The following ASPDH variants were observed in gnomAD, a reference collection of about 807,000 sequenced individuals.
ASPDH encodes the protein aspartate dehydrogenase domain containing.
In ASPDH, 25 loss-of-function variants were observed where a neutral mutation model predicts 30.5. The ratio of observed to expected loss-of-function variants is 0.82; its 90% CI spans 0.60 to 1.14. ASPDH has a LOEUF of 1.14. ASPDH is among the 50% of genes most tolerant of loss of function. ASPDH has a pLI of 0.00. For synonymous variants in ASPDH, 168 were observed against 156.3 expected (o/e 1.07, Z -0.56); for missense variants, 401 against 381.5 (o/e 1.05, Z -0.43).
chr19:50,514,006 C>T, upstream of ASPDH: 1 of 690,982 alleles, frequency 1.4e-6, no homozygotes. Context: ...AGAACCCTTC[C>T]CTGTGCTCTG....
At chr19:50,514,713 C>G, upstream of ASPDH, 2 of 1,463,846 alleles carry the variant, frequency 1.4e-6, no homozygotes, top group Non-Finnish European at 9.0e-7. Context: ...CCCCCAGCCA[C>G]CACCTGGTAC....
chr19:50,512,766 C>CT lies in ASPDH; in HGVS notation c.326dup (p.Leu110AlafsTer23). 6.4e-7 allele frequency: 1 copy of CT among 1,568,634 alleles called. No homozygotes were observed. Among genetic ancestry groups the CT allele is most frequent in the Non-Finnish European group, 8.6e-7 (1 of 1,156,322 alleles). On this transcript the variant is annotated frameshift_variant, in exon 4 of 7. Transcript: ENST00000389208. LOFTEE classifies it high-confidence loss of function. ...CCCAGTGCTGTGAGGCCTCCAAGAG[C>CT]TGCCGCTCTGTGGTCTGGTCACTTA...
At position 50,513,708 on chromosome 19, in the gene ASPDH, A is replaced by G; in HGVS notation, c.52+64T>C. On this transcript the variant is annotated intron_variant, in intron 1 of 6. Coordinates refer to ENST00000389208, the MANE Select transcript of ASPDH (RefSeq NM_001114598.2). The surrounding 1 kb of genome is among the most constrained non-coding windows in gnomAD (Gnocchi z 4.9). ...AGAGAAAAAAGTGTTTGTGGAGGGC[A>G]GAGAGTCTTGGGAGCTTTAGGAAGG... 4.0e-6 allele frequency: 5 copies of G among 1,251,236 alleles called. No homozygotes were observed. In the East Asian group the frequency reaches 7.6e-5, roughly 19 times the overall value. 77.5% of individuals were successfully genotyped at this position (1,251,236 alleles called of 1,614,324 possible). A position where few individuals can be genotyped will look rare whatever the true frequency, so the allele number is the denominator to read the frequency against.
chr19:50,514,402 C>T (rs540634245), upstream of ASPDH: 12 of 1,599,120 alleles, frequency 7.5e-6, no homozygotes, highest in South Asian at 5.5e-5. Flanking sequence ...AGCCCCGCTG[C>T]GCAGCACGGG....
chr19:50,512,613 G>T, intron 4 of ASPDH, 33 bp from the exon 5 acceptor site: 1 of 1,507,438 alleles, frequency 6.6e-7, no homozygotes, highest in South Asian at 1.3e-5. Flanking sequence ...GGGGGAGTGG[G>T]GTCTTTGCAG....
At chr19:50,512,606 G>T (rs1980008721) in intron 4 of ASPDH, 26 bp from the exon 5 acceptor site, 2 of 1,515,858 alleles carry the variant, frequency 1.3e-6, no homozygotes, top group Non-Finnish European at 1.8e-6. Flanking sequence ...CGGGTTAGGG[G>T]GAGTGGGGTC....
chr19:50,513,925 CT>C, upstream of ASPDH: 9 of 1,413,068 alleles, frequency 6.4e-6, no homozygotes, highest in Non-Finnish European at 7.6e-6. The surrounding 1 kb of genome is among the most constrained non-coding windows in gnomAD (Gnocchi z 4.9). Flanking sequence ...ACCCTTGAGC[CT>C]CTGGGCTCAG....
chr19:50,514,357 C>CAAT, upstream of ASPDH: 1 of 1,393,920 alleles, frequency 7.2e-7, no homozygotes, highest in Non-Finnish European at 1.0e-6. Context: ...GGCTTCTCCT[C>CAAT]AATGTGCCCT....
upstream of ASPDH, chr19:50,514,454 C>T (rs186378376): frequency 3.4e-4 from 546 of 1,614,108 alleles, 1 homozygote; most frequent in Admixed American, 2.0e-3. Context: ...AGCCTCCCTC[C>T]GCTCTGATCA....
upstream of ASPDH, among the ~76,000 whole-genome samples, chr19:50,514,224 C>G (rs1178752804): frequency 6.6e-6 from 1 of 152,158 alleles, no homozygotes; most frequent in Admixed American, 6.5e-5. Flanking sequence ...GACAGGGACT[C>G]TGGGCTCTGT....
At chr19:50,514,369 G>T, upstream of ASPDH, 1 of 1,468,546 alleles carries the variant, frequency 6.8e-7, no homozygotes, top group Non-Finnish European at 9.5e-7. Flanking sequence ...ATGTGCCCTT[G>T]CCTCAGCGGG....
At chr19:50,512,002 A>T in intron 6 of ASPDH, 134 bp downstream of exon 6, 1 of 827,252 alleles carries the variant, frequency 1.2e-6, no homozygotes, top group Non-Finnish European at 1.8e-6. Context: ...GAGAGAGGTT[A>T]AGGAAATAAA....
rs1437425635 is a variant in ASPDH at position 50,513,707 on chromosome 19, C to G, written c.52+65G>C. The G allele has an allele frequency of 1.9e-5, 23 of 1,242,442 alleles. No homozygotes were observed. The highest frequency in any genetic ancestry group is 2.4e-5 in the Non-Finnish European group (21 of 871,448). 77.0% of individuals were successfully genotyped at this position (1,242,442 alleles called of 1,614,324 possible). A position where few individuals can be genotyped will look rare whatever the true frequency, so the allele number is the denominator to read the frequency against. ...GAGAGAAAAAAGTGTTTGTGGAGGGCAGAGAGTCTTGGGAGCTTTAGGAAG... is the reference window on the plus strand; with the variant it reads ...GAGAGAAAAAAGTGTTTGTGGAGGGGAGAGAGTCTTGGGAGCTTTAGGAAG... On this transcript the variant is annotated intron_variant, in intron 1 of 6. Coordinates refer to ENST00000389208, the MANE Select transcript of ASPDH (RefSeq NM_001114598.2). This position sits in a 1 kb window ranked among gnomAD's most constrained non-coding sequence, Gnocchi z 4.9.
intron 6 of ASPDH, 177 bp from the exon 7 acceptor site, chr19:50,511,950 G>GCACAGAGACTCAGGGGACGTGGA: frequency 4.5e-6 from 3 of 665,098 alleles, no homozygotes; most frequent in Non-Finnish European, 7.4e-6. Context: ...TCAGAGGCGG[G>GCACAGAGACTCAGGGGACGTGGA]CACAAATGGA....
In ASPDH at chr19:50,512,387, A is replaced by G. The variant is rs1979984981; in HGVS notation, c.626T>C (p.Val209Ala). 1 of 1,612,998 alleles carries G rather than the reference A, an allele frequency of 6.2e-7. No individual in the cohort carries two copies. Among genetic ancestry groups the G allele is most frequent in the Admixed American group, 1.7e-5 (1 of 59,922 alleles). The change falls in exon 5 of 7, where the codon GTG becomes GCG. Residue 209 changes from valine (V) to alanine (A), a missense_variant. By Grantham distance (64) the Val-to-Ala change is moderately conservative. Transcript: ENST00000389208. ...GGTATCAGCCACGAGCACCCCAATC[A>G]CCCCATCGAAGCCCAGGCTGGGGGC... The part of the protein sequence containing the change: ...LAAPSLGFDG[V>A]IGVLVADTSL...
rs200946914 is a variant in ASPDH, at chr19:50,512,271, C to T, written c.673G>A (p.Val225Met). 1 of 1,613,652 alleles carries T rather than the reference C, an allele frequency of 6.2e-7. No individual in the cohort carries two copies. Among genetic ancestry groups the T allele is most frequent in the Non-Finnish European group, 8.5e-7 (1 of 1,179,936 alleles). ...CGGGGTCCGCTCAGCTCTACATCCA[C>T]CACGTGCATGTCCGTGAGGCTGGGA... ...ADTSLTDMHV[V>M]DVELSGPRGP... The change falls in exon 6 of 7, where the codon GTG (valine) becomes ATG (methionine). Residue 225 changes from valine (V) to methionine (M), a missense_variant. Val to Met is a conservative substitution (Grantham distance 21). Coordinates refer to ENST00000389208, the MANE Select transcript of ASPDH (RefSeq NM_001114598.2).
At position 50,512,633 on chromosome 19, in the gene ASPDH, G is replaced by C. The variant is rs112368054; in HGVS notation, c.432+28C>G. On this transcript the variant is annotated intron_variant, in intron 4 of 6. Coordinates refer to ENST00000389208, the MANE Select transcript of ASPDH (RefSeq NM_001114598.2). ...AGTGGGGTCTTTGCAGGCCTCCCCTGGTTCCTGGGGAGCCCAGCAGGCCTC... is the reference window on the plus strand; with the variant it reads ...AGTGGGGTCTTTGCAGGCCTCCCCTCGTTCCTGGGGAGCCCAGCAGGCCTC... 285 of 1,512,932 alleles carry C rather than the reference G, an allele frequency of 1.9e-4. No homozygotes were observed. The African/African-American group carries it at 3.4e-3, about 18-fold the overall frequency. The allele number at this position is 1,512,932 out of a possible 1,614,324, so 93.7% of individuals were successfully genotyped here. A position where few individuals can be genotyped will look rare whatever the true frequency, so the allele number is the denominator to read the frequency against.
In ASPDH at chr19:50,511,749, G is replaced by A. The variant is rs201593378; in HGVS notation, c.833C>T (p.Pro278Leu). ...LLACCQLPSR[P>L]GIHLC ...GGCTTCTCAGCAGAGATGGATCCCC[G>A]GCCTGGAGGGGAGCTGGCAGCAGGC... Residue 278 changes from proline to leucine, a missense_variant, in exon 7 of 7, where the codon CCG becomes CTG. Coordinates refer to ENST00000389208, the MANE Select transcript of ASPDH (RefSeq NM_001114598.2). 7.6e-6 allele frequency: 10 copies of A among 1,313,594 alleles called. No homozygotes were observed. The South Asian group carries it at 7.7e-5, about 10-fold the overall frequency. 81.4% of individuals were successfully genotyped at this position (1,313,594 alleles called of 1,614,324 possible). A position where few individuals can be genotyped will look rare whatever the true frequency, so the allele number is the denominator to read the frequency against.
At position 50,511,751 on chromosome 19, in the gene ASPDH, C is replaced by T; in HGVS notation, c.831G>A (p.Arg277=). The T allele has an allele frequency of 7.6e-7, 1 of 1,312,784 alleles. No individual in the cohort carries two copies. Among genetic ancestry groups the T allele is most frequent in the South Asian group, 2.6e-5 (1 of 38,662 alleles). The allele number at this position is 1,312,784 out of a possible 1,614,324, so 81.3% of individuals were successfully genotyped here. The part of the protein sequence containing the change: ...SLLACCQLPS[R]PGIHLC ...CTTCTCAGCAGAGATGGATCCCCGGCCTGGAGGGGAGCTGGCAGCAGGCTG... is the reference window on the plus strand; with the variant it reads ...CTTCTCAGCAGAGATGGATCCCCGGTCTGGAGGGGAGCTGGCAGCAGGCTG... The change falls in exon 7 of 7, where the codon AGG becomes AGA. Residue 277 remains arginine, a synonymous_variant. Coordinates refer to ENST00000389208, the MANE Select transcript of ASPDH (RefSeq NM_001114598.2).
Sources: gnomAD v4.1 joint callset for allele counts (sites outside exome capture counted in the v4.1 genomes callset) on GRCh38, gnomAD v4.1.1 for gene constraint, Gnocchi (gnomAD v3.1) non-coding constraint, MANE v1.5 for transcripts, NCBI Gene and HGNC (gene_info 2026-07-23, HGNC 2026-07-21) for gene names.